Variants in IFT46 observed in about 807,000 individuals in gnomAD.
IFT46 encodes the protein intraflagellar transport 46, also known as intraflagellar transport protein 46 homolog.
Under a neutral mutation model 39.6 loss-of-function variants are expected in IFT46, and 19 were observed. The ratio of observed to expected loss-of-function variants is 0.48; its 90% CI spans 0.33 to 0.70. The LOEUF (loss-of-function observed/expected upper bound fraction) is 0.70, where lower values mean the gene tolerates loss of function less well. Among genes scored for constraint, IFT46 ranks in the 30% least tolerant of loss-of-function variants. The probability of loss-of-function intolerance (pLI) is 0.01; values close to 1 mark genes in which losing one functional copy is unlikely to be tolerated. For missense variants in IFT46, 334 were observed against 364.8 expected (o/e 0.92, Z 0.69); for synonymous variants, 117 against 134.8 (o/e 0.87, Z 0.91).
At chr11:118,557,767 A>G in intron 3 of IFT46, 1 of 1,614,090 alleles carries the variant, frequency 6.2e-7, no homozygotes. Context: ...TCTCTGTACC[A>G]TCCCACCCTC....
chr11:118,555,593 T>C lies in IFT46; in HGVS notation c.186-271A>G, dbSNP rs1431343487. The stretch of plus-strand genomic sequence containing the variant: ...AAATGTAGCATAAATGGTTTTCCTT[T>C]TTTTTAATGAAAGGATGACAAGAAA... On this transcript the variant is annotated intron_variant, in intron 4 of 11. Coordinates refer to ENST00000264021, the MANE Select transcript of IFT46 (RefSeq NM_001168618.2). The C allele has an allele frequency of 2.5e-5, 8 of 324,576 alleles. No homozygotes were observed. In the Admixed American group the frequency reaches 3.7e-4, roughly 15 times the overall value. The allele number at this position is 324,576 out of a possible 1,614,324, so 20.1% of individuals were successfully genotyped here. A position where few individuals can be genotyped will look rare whatever the true frequency, so the allele number is the denominator to read the frequency against.
At chr11:118,551,710 G>T in intron 9 of IFT46, 76 bp downstream of exon 9, 5 of 1,006,318 alleles carry the variant, frequency 5.0e-6, no homozygotes, top group African/African-American at 1.6e-5. Context: ...AATAATAATG[G>T]AGGAAGAGAA....
At chr11:118,574,685 G>A (rs184932157), upstream of IFT46, among the ~76,000 whole-genome samples, 6 of 152,240 alleles carry the variant, frequency 3.9e-5, no homozygotes, top group Admixed American at 3.9e-4. Context: ...AGATAAATAA[G>A]TGAACAAATG....
Position 118,565,880 on chromosome 11 carries a change from T to G in IFT46, c.-223A>C, listed in dbSNP as rs1938211951. The G allele has an allele frequency of 6.6e-6, 1 of 152,558 alleles. No homozygotes were observed. The highest frequency in any genetic ancestry group is 2.4e-5 in the African/African-American group (1 of 41,426). The allele number at this position is 152,558 out of a possible 1,614,324, so 9.5% of individuals were successfully genotyped here. On this transcript the variant is annotated 5_prime_UTR_variant, in exon 1 of 12. Coordinates refer to ENST00000264021, the MANE Select transcript of IFT46 (RefSeq NM_001168618.2). The stretch of plus-strand genomic sequence containing the variant: ...CTCCAGTCTCAAAGCCAGGCCACTT[T>G]AGGATTCCACGCCAAGCAACCAGCC...
chr11:118,566,770 CTG>C (rs1384333977), upstream of IFT46, among the ~76,000 whole-genome samples: 3 of 152,214 alleles, frequency 2.0e-5, no homozygotes, highest in African/African-American at 7.2e-5. Flanking sequence ...AAAGCAAGAC[CTG>C]TGTCTAATTA....
At chr11:118,553,796 G>A (rs1937734538) in intron 7 of IFT46, among the ~76,000 whole-genome samples, 1 of 152,152 alleles carries the variant, frequency 6.6e-6, no homozygotes, top group Admixed American at 6.5e-5. Context: ...ATATTATTCA[G>A]CCATAACAAA....
upstream of IFT46, among the ~76,000 whole-genome samples, chr11:118,574,321 C>G (rs1938430969): frequency 6.6e-6 from 1 of 152,092 alleles, no homozygotes; most frequent in Non-Finnish European, 1.5e-5. Flanking sequence ...ACAAACAGAT[C>G]CCTGGACAGT....
At position 118,572,348 on chromosome 11, in the gene IFT46, G is replaced by GCCCC. The variant is rs375845726; in HGVS notation, c.-133+244_-133+247dup. On this transcript the variant is annotated intron_variant, in intron 1 of 5. Coordinates refer to the IFT46 transcript ENST00000528378. ...TCAATTTCCCCAGCCCACAGGCCCC[G>GCCCC]CCCCCCCCCCCGCCCTTTGACCTGC... is the stretch of plus-strand genomic sequence containing the variant. 6.2e-5 allele frequency: 6 copies of GCCCC among 97,324 alleles called. 1 individual carries two copies. The highest frequency in any genetic ancestry group is 3.1e-4 in the South Asian group (2 of 6,512). The allele number at this position is 97,324 out of a possible 1,614,324, so 6.0% of individuals were successfully genotyped here.
In IFT46 at chr11:118,572,594, A is replaced by G; in HGVS notation, c.-133+2T>C. 2 of 1,596,460 alleles carry G rather than the reference A, an allele frequency of 1.3e-6. No homozygotes were observed. Among genetic ancestry groups the G allele is most frequent in the Non-Finnish European group, 1.7e-6 (2 of 1,172,632 alleles). On this transcript the variant is annotated splice_donor_variant, in intron 1 of 5. Coordinates refer to the IFT46 transcript ENST00000528378. LOFTEE classifies it low-confidence loss of function (5UTR_SPLICE). ...CCCGAACTCCTGGGGTCCGAGCCTCACCGTCTCTCCTTGTCGGCGGGCCTG... is the reference window on the plus strand; with the variant it reads ...CCCGAACTCCTGGGGTCCGAGCCTCGCCGTCTCTCCTTGTCGGCGGGCCTG...
At position 118,563,472 on chromosome 11, in the gene IFT46, G is replaced by A. The variant is rs1239921077; in HGVS notation, c.-36+1493C>T. Reference sequence around the variant, plus strand: ...CAATAAACAAACAGAAACCCTGGATGTCATCCTTGATTCCTAACTCGAGTC... The same window carrying A: ...CAATAAACAAACAGAAACCCTGGATATCATCCTTGATTCCTAACTCGAGTC... On this transcript the variant is annotated intron_variant, in intron 2 of 11. Transcript: ENST00000264021. Among the ~76,000 whole-genome samples the A allele has an allele frequency of 1.7e-4, 26 of 152,214 alleles. 1 individual carries two copies. The highest frequency in any genetic ancestry group is 1.6e-3 in the Admixed American group (25 of 15,264).
rs1336530872 is a variant in IFT46 at position 118,565,815 on chromosome 11, T to C, written c.-158A>G. On this transcript the variant is annotated 5_prime_UTR_variant, in exon 1 of 12. Transcript: ENST00000264021. ...CTGTAGCCCTTCTGAATCCGTCTCC[T>C]CTATAATGGAAAGAACCCCAGCCTA... The C allele has an allele frequency of 2.0e-5, 3 of 152,588 alleles. No homozygotes were observed. Among genetic ancestry groups the C allele is most frequent in the African/African-American group, 7.2e-5 (3 of 41,408 alleles). 9.5% of individuals were successfully genotyped at this position (152,588 alleles called of 1,614,324 possible). A position where few individuals can be genotyped will look rare whatever the true frequency, so the allele number is the denominator to read the frequency against.
upstream of IFT46, among the ~76,000 whole-genome samples, chr11:118,570,984 T>C (rs1272756137): frequency 6.6e-6 from 1 of 152,070 alleles, no homozygotes; most frequent in Non-Finnish European, 1.5e-5. Context: ...CAAGCCATCC[T>C]CCCAACTCAG....
At chr11:118,572,353 C>T (rs868963458) in intron 1 of IFT46, 1 of 140,770 alleles carries the variant, frequency 7.1e-6, no homozygotes, top group African/African-American at 2.6e-5. Context: ...GCCCCGCCCC[C>T]CCCCCCGCCC....
intron 3 of IFT46, chr11:118,557,964 A>G: frequency 7.8e-7 from 1 of 1,287,278 alleles, no homozygotes; most frequent in Non-Finnish European, 1.1e-6. Context: ...TATGGCTTAT[A>G]CTGAGGTTAA....
rs1462633016 is a variant in IFT46 at position 118,563,206 on chromosome 11, G to A, written c.-36+1759C>T. Among the ~76,000 whole-genome samples, 2 of 150,024 alleles carry A rather than the reference G, an allele frequency of 1.3e-5. 1 individual carries two copies. The highest frequency in any genetic ancestry group is 2.9e-5 in the Non-Finnish European group (2 of 68,022). ...AGCCACAAAAGGATAAATACAGTAT[G>A]ATTTCACTTATGTGGTTCCCAGAAT... is the stretch of plus-strand genomic sequence containing the variant. On this transcript the variant is annotated intron_variant, in intron 2 of 11. Coordinates refer to ENST00000264021, the MANE Select transcript of IFT46 (RefSeq NM_001168618.2).
rs149978137 is a variant in IFT46, at chr11:118,544,915, C to G, written c.*1G>C. 3 of 1,609,198 alleles carry G rather than the reference C, an allele frequency of 1.9e-6. No homozygotes were observed. The South Asian group carries it at 3.3e-5, about 18-fold the overall frequency. ...CTTGAAACAGCAGCTTGGGAAGTGTCTCAGCTGAAGGTTAATGTCTCCATG... is the reference window on the plus strand; with the variant it reads ...CTTGAAACAGCAGCTTGGGAAGTGTGTCAGCTGAAGGTTAATGTCTCCATG... On this transcript the variant is annotated 3_prime_UTR_variant, in exon 12 of 12. Coordinates refer to ENST00000264021, the MANE Select transcript of IFT46 (RefSeq NM_001168618.2).
chr11:118,573,297 CATGTCGTAGTCAG>C (rs1938397860), upstream of IFT46, among the ~76,000 whole-genome samples: 1 of 152,140 alleles, frequency 6.6e-6, no homozygotes, highest in African/African-American at 2.4e-5. Context: ...GTGTATGTGG[CATGTCGTAGTCAG>C]ATGTCTCACA....
chr11:118,561,367 AAAG>A (rs1938049568), intron 2 of IFT46: 2 of 867,318 alleles, frequency 2.3e-6, no homozygotes, highest in African/African-American at 3.3e-5. Flanking sequence ...CTCAATGCAT[AAAG>A]AAGAGCGTAA....
intron 11 of IFT46, among the ~76,000 whole-genome samples, 185 bp downstream of exon 11, chr11:118,545,224 T>C (rs1472370079): frequency 6.6e-6 from 1 of 150,974 alleles, no homozygotes; most frequent in Non-Finnish European, 1.5e-5. Flanking sequence ...CCCTTTTTTT[T>C]CCTCCACTTT....
Sources: gnomAD v4.1 joint callset for allele counts (sites outside exome capture counted in the v4.1 genomes callset) on GRCh38, gnomAD v4.1.1 for gene constraint, MANE v1.5 for transcripts, NCBI Gene and HGNC (gene_info 2026-07-23, HGNC 2026-07-21) for gene names.